The following RARB variants were observed in gnomAD, a reference collection of about 807,000 sequenced individuals.
RARB encodes the protein retinoic acid receptor beta.
In RARB, 17 loss-of-function variants were observed where a neutral mutation model predicts 51.9. The ratio of observed to expected loss-of-function variants is 0.33; its 90% confidence interval spans 0.22 to 0.49. The LOEUF is 0.49. Ranked by LOEUF, RARB falls within the 20% of genes least tolerant of loss-of-function variation. The pLI is 0.99. For synonymous variants in RARB, 215 were observed against 195.4 expected, an observed-to-expected ratio of 1.10 and a Z score of -0.84; for missense variants, 369 against 550.8, an observed-to-expected ratio of 0.67 and a Z score of 3.30.
chr3:25,186,617 G>A (rs1026705471), intron 5 of RARB, among the ~76,000 whole-genome samples: 2 of 151,950 alleles, frequency 1.3e-5, no homozygotes, highest in South Asian at 2.1e-4. Context: ...TATACACCAC[G>A]AACATGGATA....
intron 4 of RARB, among the ~76,000 whole-genome samples, chr3:25,156,337 G>T (rs554944233): frequency 6.6e-6 from 1 of 152,144 alleles, no homozygotes; most frequent in South Asian, 2.1e-4. Flanking sequence ...GCTAATAGTT[G>T]TGGAATCTCA....
intron 3 of RARB, chr3:25,555,509 A>C (rs539838039): frequency 4.6e-5 from 7 of 152,294 alleles, no homozygotes; most frequent in African/African-American, 1.4e-4. Context: ...AGTACCTGGA[A>C]CATAGTGGAT....
At chr3:25,084,929 G>C (rs1038252638) in intron 3 of RARB, among the ~76,000 whole-genome samples, 1 of 151,984 alleles carries the variant, frequency 6.6e-6, no homozygotes, top group African/African-American at 2.4e-5. Context: ...CGGCAGTTTT[G>C]CCATGACTTC....
intron 5 of RARB, among the ~76,000 whole-genome samples, chr3:25,212,899 C>T (rs557349771): frequency 1.3e-5 from 2 of 152,250 alleles, no homozygotes; most frequent in African/African-American, 2.4e-5. Flanking sequence ...TACCAAAGGT[C>T]GCTCACTTGG....
Position 25,314,600 on chromosome 3 carries a change from C to T in RARB, c.178+140025C>T, listed in dbSNP as rs114301885. Among the ~76,000 whole-genome samples, 1,234 of 152,248 alleles carry T rather than the reference C, an allele frequency of 8.1e-3. 12 individuals are homozygous for T. The highest frequency in any genetic ancestry group is 0.028 in the African/African-American group (1,171 of 41,558). On this transcript the variant is annotated intron_variant, in intron 5 of 11. Transcript: ENST00000383772. ...GGATTACTACAGTCCATTCTAACAC[C>T]AAGACATCAACAAAAACCTTTTTTT...
chr3:25,366,224 C>T (rs1012040928), intron 5 of RARB, among the ~76,000 whole-genome samples: 1 of 152,094 alleles, frequency 6.6e-6, no homozygotes, highest in Non-Finnish European at 1.5e-5. Flanking sequence ...GAAAGTGTTG[C>T]TCAAAGAGAT....
chr3:25,337,197 C>G (rs1181492842), intron 5 of RARB, among the ~76,000 whole-genome samples: 1 of 152,078 alleles, frequency 6.6e-6, no homozygotes, highest in Non-Finnish European at 1.5e-5. Context: ...TACCACCATC[C>G]TTTTTCTTAC....
intron 5 of RARB, among the ~76,000 whole-genome samples, chr3:25,389,316 G>A (rs1706882820): frequency 6.6e-6 from 1 of 152,072 alleles, no homozygotes; most frequent in Non-Finnish European, 1.5e-5. Context: ...ATTGCTGTGG[G>A]TATTGTGGCT....
rs563064251 is a variant in RARB, at chr3:25,204,117, T to C, written c.178+29542T>C. ...ACATAGTCCCATATTTCTTGGAGGC[T>C]TTGTTCATTTCTTTTTACTCTTTTT... On this transcript the variant is annotated intron_variant, in intron 5 of 11. Transcript: ENST00000383772. 3.6e-4 allele frequency among the ~76,000 whole-genome samples: 55 copies of C among 152,312 alleles called. 2 individuals carry two copies. In the East Asian group the frequency reaches 9.9e-3, roughly 27 times the overall value.
At position 24,943,102 on chromosome 3, in the gene RARB, C is replaced by T. The variant is rs999556667; in HGVS notation, c.-380+84350C>T. 2.0e-5 allele frequency among the ~76,000 whole-genome samples: 3 copies of T among 152,170 alleles called. No homozygotes were observed. In the East Asian group the frequency reaches 5.8e-4, roughly 29 times the overall value. On this transcript the variant is annotated intron_variant, in intron 2 of 11. Transcript: ENST00000383772. ...GAACTCCTAGTGAATGACACCAAGA[C>T]AGTTTCTTGACTTAGATTCCTAAAT...
At chr3:24,878,564 G>T (rs1703095299) in intron 2 of RARB, among the ~76,000 whole-genome samples, 1 of 152,066 alleles carries the variant, frequency 6.6e-6, no homozygotes, top group Admixed American at 6.5e-5. Context: ...GACATTTGGG[G>T]ACAGGTAATT....
chr3:25,304,347 C>T (rs1704108843), intron 5 of RARB, among the ~76,000 whole-genome samples: 1 of 152,186 alleles, frequency 6.6e-6, no homozygotes, highest in African/African-American at 2.4e-5. Context: ...GCTTAGAATG[C>T]CCTGTAAGAT....
intron 4 of RARB, among the ~76,000 whole-genome samples, chr3:25,165,651 C>T (rs1480279614): frequency 2.6e-5 from 4 of 152,098 alleles, no homozygotes; most frequent in African/African-American, 9.7e-5. Flanking sequence ...AGCAATGGTC[C>T]AAGCAGACCT....
At chr3:25,245,895 TAATATCCTG>T (rs1702548211) in intron 5 of RARB, among the ~76,000 whole-genome samples, 2 of 152,200 alleles carry the variant, frequency 1.3e-5, no homozygotes, top group African/African-American at 2.4e-5. Flanking sequence ...TTCTCCTGGA[TAATATCCTG>T]AAGTGTGTTT....
chr3:25,259,197 C>T (rs1702938891), intron 5 of RARB: 1 of 588,290 alleles, frequency 1.7e-6, no homozygotes, highest in Non-Finnish European at 2.1e-6. Context: ...GTGGAAGAGA[C>T]ATCTCGTTTC....
intron 2 of RARB, among the ~76,000 whole-genome samples, chr3:24,881,472 T>C (rs966423069): frequency 2.6e-5 from 4 of 152,200 alleles, no homozygotes; most frequent in African/African-American, 9.7e-5. Context: ...GGACAAGGGT[T>C]TCCAGGTTGA....
chr3:25,074,891 T>G (rs1698841295), intron 3 of RARB, among the ~76,000 whole-genome samples: 1 of 152,224 alleles, frequency 6.6e-6, no homozygotes, highest in Non-Finnish European at 1.5e-5. Context: ...TTGTACGTAT[T>G]TGGCAAATAA....
chr3:25,581,973 G>A (rs1701195398), intron 5 of RARB, among the ~76,000 whole-genome samples: 1 of 152,118 alleles, frequency 6.6e-6, no homozygotes, highest in Non-Finnish European at 1.5e-5. Context: ...TCTTCCCAAG[G>A]TCACAGATGG....
At chr3:25,157,247 G>GTA (rs1474044383) in intron 4 of RARB, among the ~76,000 whole-genome samples, 1 of 151,894 alleles carries the variant, frequency 6.6e-6, no homozygotes, top group Non-Finnish European at 1.5e-5. Flanking sequence ...AACTTATCAG[G>GTA]TATTTTCATG....
Sources: gnomAD v4.1 joint callset for allele counts (sites outside exome capture counted in the v4.1 genomes callset) on GRCh38, gnomAD v4.1.1 for gene constraint, MANE v1.5 for transcripts, NCBI Gene and HGNC (gene_info 2026-07-23, HGNC 2026-07-21) for gene names.